Variants in ZFAND3 observed in about 807,000 individuals in gnomAD.
ZFAND3 encodes the protein zinc finger AN1-type containing 3.
Under a neutral mutation model 29.6 loss-of-function variants are expected in ZFAND3, and 10 were observed. The observed-to-expected ratio is 0.34, with a 90% CI of 0.21 to 0.57. ZFAND3 has a LOEUF of 0.57. Among genes scored for constraint, ZFAND3 ranks in the 20% least tolerant of loss-of-function variants. The pLI, the probability that ZFAND3 is intolerant of heterozygous loss-of-function variation, is 0.86. For synonymous variants in ZFAND3, 128 were observed against 112.6 expected, an observed-to-expected ratio of 1.14 and a Z score of -0.87; for missense variants, 230 against 304.5, an observed-to-expected ratio of 0.76 and a Z score of 1.82.
Position 38,152,542 on chromosome 6 carries a change from T to C in ZFAND3, c.*153T>C, listed in dbSNP as rs906399955. On this transcript the variant is annotated 3_prime_UTR_variant, in exon 6 of 6. Transcript: ENST00000287218. ...AGCCAGCCATCCTGGTACTGTAGTT[T>C]AGGGGTTGATGGTGGTTGAAATTGA... 2 of 1,322,788 alleles carry C rather than the reference T, an allele frequency of 1.5e-6. No individual in the cohort carries two copies. Among genetic ancestry groups the C allele is most frequent in the East Asian group, 5.7e-5 (2 of 35,192 alleles). 81.9% of individuals were successfully genotyped at this position (1,322,788 alleles called of 1,614,324 possible). A position where few individuals can be genotyped will look rare whatever the true frequency, so the allele number is the denominator to read the frequency against.
chr6:38,016,930 T>C (rs1763262089), intron 2 of ZFAND3, among the ~76,000 whole-genome samples: 2 of 152,290 alleles, frequency 1.3e-5, no homozygotes, highest in South Asian at 4.1e-4. Flanking sequence ...TTCCTTACTA[T>C]GTGTCAGAAA....
chr6:38,001,057 G>T lies in ZFAND3; in HGVS notation c.113-60536G>T, dbSNP rs918253052. Among the ~76,000 whole-genome samples, 13 of 152,236 alleles carry T rather than the reference G, an allele frequency of 8.5e-5. 1 individual carries two copies. Among genetic ancestry groups the T allele is most frequent in the Admixed American group, 3.3e-4 (5 of 15,292 alleles). ...CTCTAATCACACTTGAAGGAGAATA[G>T]GTTGAAGAATGCAGGGTAATTTAGA... On this transcript the variant is annotated intron_variant, in intron 2 of 5. Coordinates refer to ENST00000287218, the MANE Select transcript of ZFAND3 (RefSeq NM_021943.3).
chr6:37,945,366 A>G (rs1761883279), intron 2 of ZFAND3, among the ~76,000 whole-genome samples: 1 of 152,116 alleles, frequency 6.6e-6, no homozygotes, highest in African/African-American at 2.4e-5. Flanking sequence ...ATAATTTTGG[A>G]CAATGGGAAA....
intron 2 of ZFAND3, among the ~76,000 whole-genome samples, chr6:37,959,621 A>G (rs1192743313): frequency 6.6e-6 from 1 of 152,228 alleles, no homozygotes; most frequent in African/African-American, 2.4e-5. Flanking sequence ...ATTTGAATAT[A>G]CAAGAATTTG....
chr6:37,854,375 T>C (rs1176222427), intron 1 of ZFAND3, among the ~76,000 whole-genome samples: 1 of 152,210 alleles, frequency 6.6e-6, no homozygotes, highest in Non-Finnish European at 1.5e-5. Flanking sequence ...AAGCATATTA[T>C]TGATTTAATT....
At chr6:37,856,538 A>G (rs1581712325) in intron 1 of ZFAND3, among the ~76,000 whole-genome samples, 3 of 151,882 alleles carry the variant, frequency 2.0e-5, no homozygotes, top group Admixed American at 6.6e-5. Context: ...ACCTTCCCTT[A>G]TTTCCCCTTC....
intron 2 of ZFAND3, among the ~76,000 whole-genome samples, chr6:37,958,453 CAAAAAA>C (rs11356169): frequency 3.2e-4 from 37 of 114,744 alleles, no homozygotes; most frequent in African/African-American, 5.1e-4. Flanking sequence ...GACTCGGTCT[CAAAAAA>C]AAAAAAAAAA....
intron 1 of ZFAND3, among the ~76,000 whole-genome samples, chr6:37,852,422 T>C (rs781354646): frequency 9.2e-5 from 14 of 152,188 alleles, no homozygotes; most frequent in Non-Finnish European, 2.1e-4. Flanking sequence ...AACCTGTACT[T>C]GTTTGCTTGA....
intron 1 of ZFAND3, among the ~76,000 whole-genome samples, chr6:37,925,127 T>C (rs970237155): frequency 6.6e-6 from 1 of 152,008 alleles, no homozygotes; most frequent in Non-Finnish European, 1.5e-5. Flanking sequence ...TTATACTCAA[T>C]AGGAAATTGT....
intron 3 of ZFAND3, among the ~76,000 whole-genome samples, chr6:38,077,321 C>G (rs1021068371): frequency 1.3e-4 from 20 of 152,040 alleles, no homozygotes; most frequent in African/African-American, 4.8e-4. Flanking sequence ...CAAAGGTAAA[C>G]AATGTACAGA....
intron 1 of ZFAND3, among the ~76,000 whole-genome samples, chr6:37,845,674 C>T (rs186704207): frequency 7.6e-4 from 116 of 152,326 alleles, no homozygotes; most frequent in African/African-American, 2.6e-3. Context: ...ATGCCAGTCT[C>T]TACTCCCTCA....
intron 5 of ZFAND3, among the ~76,000 whole-genome samples, chr6:38,144,196 T>TTATATATATATATA (rs1766033702): frequency 2.4e-5 from 1 of 41,094 alleles, no homozygotes; most frequent in Admixed American, 2.1e-4. Flanking sequence ...TATATATATA[T>TTATATATATATATA]ATATATATAT....
intron 1 of ZFAND3, among the ~76,000 whole-genome samples, chr6:37,879,285 G>A (rs1313838613): frequency 2.0e-5 from 3 of 152,014 alleles, no homozygotes; most frequent in Non-Finnish European, 4.4e-5. Flanking sequence ...GCAAGAACAG[G>A]TTTCTGCTTT....
chr6:37,936,449 C>G (rs1449803181), intron 2 of ZFAND3, among the ~76,000 whole-genome samples: 1 of 152,174 alleles, frequency 6.6e-6, no homozygotes. Context: ...ATAAGGCAAA[C>G]TTAATATATG....
At chr6:38,037,464 C>T (rs1197025134) in intron 2 of ZFAND3, among the ~76,000 whole-genome samples, 2 of 152,208 alleles carry the variant, frequency 1.3e-5, no homozygotes, top group Admixed American at 6.5e-5. Flanking sequence ...GTCACCATTT[C>T]AGAGGTAGAT....
chr6:38,152,782 A>T lies in ZFAND3; in HGVS notation c.*393A>T. On this transcript the variant is annotated 3_prime_UTR_variant, in exon 6 of 6. Transcript: ENST00000287218. Reference sequence around the variant, plus strand: ...TGGTGTTAAAGTTCCCACGACGCACATGGCTTTGCCAGAAACTCTGTTTAA... The same window carrying T: ...TGGTGTTAAAGTTCCCACGACGCACTTGGCTTTGCCAGAAACTCTGTTTAA... 1.0e-6 allele frequency: 1 copy of T among 991,430 alleles called. No homozygotes were observed. The highest frequency in any genetic ancestry group is 1.7e-5 in the African/African-American group (1 of 57,616). 61.4% of individuals were successfully genotyped at this position (991,430 alleles called of 1,614,324 possible). A position where few individuals can be genotyped will look rare whatever the true frequency, so the allele number is the denominator to read the frequency against.
chr6:38,014,189 G>A (rs531671007), intron 2 of ZFAND3, among the ~76,000 whole-genome samples: 2 of 152,096 alleles, frequency 1.3e-5, no homozygotes, highest in South Asian at 2.1e-4. Context: ...AATATTAGTC[G>A]TGCAACTTTT....
chr6:37,831,887 A>C (rs1316451405), intron 1 of ZFAND3, among the ~76,000 whole-genome samples: 1 of 152,234 alleles, frequency 6.6e-6, no homozygotes, highest in Non-Finnish European at 1.5e-5. Flanking sequence ...GTTGAACTTA[A>C]GGATCAGGAA....
chr6:38,095,730 G>A (rs534338126), intron 4 of ZFAND3, among the ~76,000 whole-genome samples: 4 of 152,158 alleles, frequency 2.6e-5, no homozygotes, highest in South Asian at 4.2e-4. Context: ...AACAATTCTC[G>A]GATGAAAGTC....
Sources: allele counts gnomAD v4.1 joint callset (sites outside exome capture counted in the v4.1 genomes callset), GRCh38; gene constraint gnomAD v4.1.1; transcripts MANE v1.5; gene names NCBI Gene and HGNC (gene_info 2026-07-23, HGNC 2026-07-21).